The following TMTC2 variants were observed in gnomAD, a reference collection of about 807,000 sequenced individuals.
TMTC2 encodes the protein protein O-mannosyl-transferase TMTC2.
In TMTC2, 43 loss-of-function variants were observed where a neutral mutation model predicts 82.4. The observed-to-expected ratio is 0.52, with a 90% CI of 0.41 to 0.67. The LOEUF (loss-of-function observed/expected upper bound fraction) is 0.67. TMTC2 is among the 30% of genes least tolerant of loss of function. TMTC2 has a pLI of 0.00. For synonymous variants in TMTC2, 408 were observed against 381.9 expected (o/e 1.07, Z -0.80); for missense variants, 919 against 1,012.4 (o/e 0.91, Z 1.25).
At chr12:82,867,929 A>G (rs566027390) in intron 2 of TMTC2, among the ~76,000 whole-genome samples, 15 of 152,340 alleles carry the variant, frequency 9.8e-5, no homozygotes, top group African/African-American at 3.6e-4. Context: ...AGAGATGCTT[A>G]TAAGTCTATC....
intron 1 of TMTC2, among the ~76,000 whole-genome samples, chr12:82,699,592 C>T (rs1872974252): frequency 6.6e-6 from 1 of 152,138 alleles, no homozygotes. Context: ...CTGCAGTTTT[C>T]CTGCACCGAC....
rs421560 is a variant in TMTC2, at chr12:83,050,936, G to A, written c.2185G>A (p.Glu729Lys). 5.0e-6 allele frequency: 8 copies of A among 1,612,974 alleles called. No homozygotes were observed. In the Admixed American group the frequency reaches 5.0e-5, roughly 10 times the overall value. Residue 729 changes from glutamate (E) to lysine (K), a missense_variant, in exon 10 of 12, where the codon GAA (glutamate) becomes AAA (lysine). Transcript: ENST00000321196. ...QFLLEEARLI[E>K]AAEMAKKAAE... ...TCTTCTGGAAGAAGCTCGTCTCATA[G>A]AAGCAGCTGAGATGGCAAAAAAAGC...
At chr12:82,933,694 T>A (rs1876165318) in intron 4 of TMTC2, among the ~76,000 whole-genome samples, 1 of 152,210 alleles carries the variant, frequency 6.6e-6, no homozygotes, top group Non-Finnish European at 1.5e-5. Context: ...TACCTACATT[T>A]GTTCATGCAT....
chr12:82,929,020 C>T (rs1045895946), intron 3 of TMTC2, among the ~76,000 whole-genome samples: 1 of 151,842 alleles, frequency 6.6e-6, no homozygotes, highest in Admixed American at 6.6e-5. Flanking sequence ...ATGATAATAG[C>T]AATATTTATT....
intron 3 of TMTC2, among the ~76,000 whole-genome samples, chr12:82,903,040 G>A (rs1477226314): frequency 6.6e-6 from 1 of 152,100 alleles, no homozygotes; most frequent in Non-Finnish European, 1.5e-5. Context: ...CCTCTTTGAT[G>A]TGCCTTTTAT....
chr12:82,898,333 A>T (rs1873784869), intron 3 of TMTC2, among the ~76,000 whole-genome samples: 1 of 152,234 alleles, frequency 6.6e-6, no homozygotes, highest in African/African-American at 2.4e-5. Flanking sequence ...GTAAGGTTAT[A>T]GAATAAGGCT....
intron 4 of TMTC2, 135 bp downstream of exon 4, chr12:82,930,680 A>T (rs1875982042): frequency 1.9e-6 from 1 of 520,888 alleles, no homozygotes; most frequent in Admixed American, 3.4e-5. Context: ...CATGCCTCTG[A>T]GACTATTAGG....
At chr12:82,717,082 T>C (rs1592869604) in intron 1 of TMTC2, among the ~76,000 whole-genome samples, 1 of 152,252 alleles carries the variant, frequency 6.6e-6, no homozygotes, top group South Asian at 2.1e-4. Flanking sequence ...GGAATATATA[T>C]CACCTCTGCC....
chr12:82,847,309 C>T (rs1299515062), intron 1 of TMTC2, among the ~76,000 whole-genome samples: 1 of 152,088 alleles, frequency 6.6e-6, no homozygotes, highest in Non-Finnish European at 1.5e-5. Flanking sequence ...CCTGAGTGAA[C>T]CACTTTTAGA....
chr12:82,990,939 G>T (rs548548335), intron 8 of TMTC2, among the ~76,000 whole-genome samples: 1 of 152,174 alleles, frequency 6.6e-6, no homozygotes, highest in South Asian at 2.1e-4. Flanking sequence ...ATGAATGAGG[G>T]TGGCATGATT....
intron 4 of TMTC2, among the ~76,000 whole-genome samples, chr12:82,946,671 G>C (rs2137271257): frequency 6.6e-6 from 1 of 152,240 alleles, no homozygotes; most frequent in South Asian, 2.1e-4. Flanking sequence ...TAGCAATAGA[G>C]AGACAGATGG....
intron 4 of TMTC2, among the ~76,000 whole-genome samples, chr12:82,963,620 A>T (rs943100655): frequency 2.0e-5 from 3 of 150,524 alleles, no homozygotes; most frequent in Admixed American, 6.6e-5. Flanking sequence ...CTTTTTAAAA[A>T]TTTTTTCATC....
intron 6 of TMTC2, 37 bp from the exon 7 acceptor site, chr12:82,966,882 T>C (rs1299964459): frequency 3.4e-6 from 5 of 1,459,336 alleles, no homozygotes; most frequent in Admixed American, 1.8e-5. Context: ...CTGCACTTTA[T>C]TGATGATTTA....
chr12:82,741,460 G>C (rs778279732), intron 1 of TMTC2, among the ~76,000 whole-genome samples: 1 of 152,048 alleles, frequency 6.6e-6, no homozygotes, highest in Non-Finnish European at 1.5e-5. Flanking sequence ...ACAGGCACGC[G>C]CCACCACGCC....
At chr12:82,720,629 A>G (rs1022822750) in intron 1 of TMTC2, among the ~76,000 whole-genome samples, 1 of 152,172 alleles carries the variant, frequency 6.6e-6, no homozygotes, top group African/African-American at 2.4e-5. Context: ...TACGATCATT[A>G]TCTGTTTAAT....
At chr12:82,916,645 T>C (rs2137219931) in intron 3 of TMTC2, among the ~76,000 whole-genome samples, 1 of 152,180 alleles carries the variant, frequency 6.6e-6, no homozygotes, top group East Asian at 1.9e-4. Flanking sequence ...CGAACATGGG[T>C]GCTGGATTAT....
At chr12:82,940,413 C>A (rs1876649161) in intron 4 of TMTC2, among the ~76,000 whole-genome samples, 1 of 151,828 alleles carries the variant, frequency 6.6e-6, no homozygotes, top group Admixed American at 6.6e-5. Flanking sequence ...TTAATTTATT[C>A]TTAGTTTTTT....
At chr12:83,131,163 T>C (rs1432878847) in intron 11 of TMTC2, among the ~76,000 whole-genome samples, 1 of 152,258 alleles carries the variant, frequency 6.6e-6, no homozygotes, top group East Asian at 1.9e-4. Context: ...AATCATAGCA[T>C]AAACACTTTA....
rs79671101 is a variant in TMTC2 at position 82,972,011 on chromosome 12, A to G, written c.1948+5014A>G. The stretch of plus-strand genomic sequence containing the variant: ...ATACTATTACTCTAACCTTGAAAAT[A>G]TTTTGTCTGTAGCTATATAGGCTAT... On this transcript the variant is annotated intron_variant, in intron 7 of 11. Transcript: ENST00000321196. 8.8e-3 allele frequency among the ~76,000 whole-genome samples: 1,342 copies of G among 152,300 alleles called. 17 individuals are homozygous for G. Among genetic ancestry groups the G allele is most frequent in the African/African-American group, 0.031 (1,270 of 41,576 alleles).
Sources: allele counts gnomAD v4.1 joint callset (sites outside exome capture counted in the v4.1 genomes callset), GRCh38; gene constraint gnomAD v4.1.1; transcripts MANE v1.5; gene names NCBI Gene and HGNC (gene_info 2026-07-23, HGNC 2026-07-21).